DAB2: variants seen among roughly 807,000 people sequenced by gnomAD.
DAB2 encodes disabled homolog 2.
DAB2 carries 28 observed loss-of-function variants against 71.6 expected under a neutral mutation model. The ratio of observed to expected loss-of-function variants is 0.39; its 90% confidence interval spans 0.29 to 0.54. The LOEUF (loss-of-function observed/expected upper bound fraction) is 0.54, where lower values mean the gene tolerates loss of function less well. Among genes scored for constraint, DAB2 ranks in the 20% least tolerant of loss-of-function variants. The probability of loss-of-function intolerance (pLI) is 0.68; values close to 1 mark genes in which losing one functional copy is unlikely to be tolerated. For missense variants in DAB2, 867 were observed against 928.8 expected (o/e 0.93, Z 0.86); for synonymous variants, 345 against 339.7 (o/e 1.02, Z -0.17).
chr5:39,389,509 A>C (rs1755174175), intron 6 of DAB2, among the ~76,000 whole-genome samples: 1 of 152,108 alleles, frequency 6.6e-6, no homozygotes, highest in Non-Finnish European at 1.5e-5. Flanking sequence ...TCCTGAGTAC[A>C]GTTTTAAGTT....
Position 39,401,872 on chromosome 5 carries a change from C to A in DAB2, c.-101-7451G>T, listed in dbSNP as rs1187429364. Among the ~76,000 whole-genome samples, 4 of 151,970 alleles carry A rather than the reference C, an allele frequency of 2.6e-5. 1 individual carries two copies. The highest frequency in any genetic ancestry group is 6.6e-5 in the Admixed American group (1 of 15,252). On this transcript the variant is annotated intron_variant, in intron 1 of 14. Coordinates refer to ENST00000320816, the MANE Select transcript of DAB2 (RefSeq NM_001343.4). ...GGTTCACGCCATTCCCCTGCCTCAGCCTCCCAAGTAGCTGGGACTACAGGC... is the reference window on the plus strand; with the variant it reads ...GGTTCACGCCATTCCCCTGCCTCAGACTCCCAAGTAGCTGGGACTACAGGC...
chr5:39,401,415 C>T (rs1755496314), intron 1 of DAB2, among the ~76,000 whole-genome samples: 2 of 152,126 alleles, frequency 1.3e-5, no homozygotes, highest in African/African-American at 4.8e-5. Context: ...GTTTTTGGAA[C>T]CAAGTCAGAC....
At chr5:39,388,227 C>A in intron 9 of DAB2, 78 bp downstream of exon 9, 1 of 1,041,874 alleles carries the variant, frequency 9.6e-7, no homozygotes. Flanking sequence ...CAATGAGATG[C>A]TTAAGATTTC....
chr5:39,389,101 A>C lies in DAB2; in HGVS notation c.566T>G (p.Val189Gly). ...GAAGTAAAGATGCAATTTTACCTCA[A>C]CTGCTTTGCTGGCTTCCTCTATCTA... ...KKKIEEASKAVENGSEALMIL... is the reference protein window; with the variant it reads ...KKKIEEASKAGENGSEALMIL... The change falls in exon 7 of 15, where the codon GTT becomes GGT. Residue 189 changes from valine to glycine, a missense_variant. Physicochemically the swap from Val to Gly is moderately radical, Grantham distance 109. Coordinates refer to ENST00000320816, the MANE Select transcript of DAB2 (RefSeq NM_001343.4). The C allele has an allele frequency of 6.2e-7, 1 of 1,613,246 alleles. No individual in the cohort carries two copies.
chr5:39,409,422 A>G (rs1755672897), intron 1 of DAB2, among the ~76,000 whole-genome samples: 1 of 152,220 alleles, frequency 6.6e-6, no homozygotes, highest in South Asian at 2.1e-4. Flanking sequence ...ATGTATTGAA[A>G]TATCTGTATA....
chr5:39,383,197 T>C lies in DAB2; in HGVS notation c.762A>G (p.Pro254=). The stretch of plus-strand genomic sequence containing the variant: ...AGGAGGTGATGCCGTTTGTTAAGAA[T>C]GGATTTTCTCTTAAAGAATTCTGAT... ...DTNQNSLREN[P]FLTNGITSCS... Residue 254 remains proline, a synonymous_variant, in exon 10 of 15, where the codon CCA becomes CCG. Coordinates refer to ENST00000320816, the MANE Select transcript of DAB2 (RefSeq NM_001343.4). 1.9e-6 allele frequency: 3 copies of C among 1,614,000 alleles called. No homozygotes were observed. The highest frequency in any genetic ancestry group is 1.3e-5 in the African/African-American group (1 of 75,028).
At chr5:39,377,481 T>C (rs1354743213) in intron 11 of DAB2, among the ~76,000 whole-genome samples, 199 bp from the exon 12 acceptor site, 2 of 152,178 alleles carry the variant, frequency 1.3e-5, no homozygotes, top group Non-Finnish European at 2.9e-5. Flanking sequence ...ATTCAAATGC[T>C]GGTTGCATTT....
intron 1 of DAB2, among the ~76,000 whole-genome samples, chr5:39,416,615 G>A (rs1755851873): frequency 6.6e-6 from 1 of 152,018 alleles, no homozygotes; most frequent in Admixed American, 6.6e-5. Context: ...CCTGTAATAT[G>A]TACTGCCTTC....
chr5:39,375,467 G>A (rs1205406931), intron 13 of DAB2, among the ~76,000 whole-genome samples: 1 of 152,134 alleles, frequency 6.6e-6, no homozygotes, highest in African/African-American at 2.4e-5. Flanking sequence ...TTTTCTATGT[G>A]ATATTATTTC....
intron 1 of DAB2, among the ~76,000 whole-genome samples, chr5:39,410,607 T>C (rs1351373293): frequency 6.6e-6 from 1 of 152,130 alleles, no homozygotes; most frequent in Non-Finnish European, 1.5e-5. Context: ...CTAGGACAAT[T>C]GAGTTTTTCT....
chr5:39,409,310 G>A lies in DAB2; in HGVS notation c.-101-14889C>T, dbSNP rs1755671211. Among the ~76,000 whole-genome samples, 3 of 152,116 alleles carry A rather than the reference G, an allele frequency of 2.0e-5. No individual in the cohort carries two copies. In the South Asian group the frequency reaches 6.2e-4, roughly 32 times the overall value. On this transcript the variant is annotated intron_variant, in intron 1 of 14. Coordinates refer to ENST00000320816, the MANE Select transcript of DAB2 (RefSeq NM_001343.4). ...ATAAATAAATGCACTTTTAAACTGA[G>A]GGATGTAAAAATTCCAAATGACAGT...
At chr5:39,393,132 G>T (rs1755275654) in intron 3 of DAB2, 122 bp downstream of exon 3, 3 of 993,110 alleles carry the variant, frequency 3.0e-6, no homozygotes, top group Admixed American at 2.1e-5. Context: ...CACTACTGAT[G>T]GATAATGTGA....
intron 1 of DAB2, among the ~76,000 whole-genome samples, chr5:39,412,010 A>G (rs541811034): frequency 6.6e-6 from 1 of 152,282 alleles, no homozygotes; most frequent in African/African-American, 2.4e-5. Context: ...ATCAGAGGTG[A>G]GATGTGAATA....
intron 1 of DAB2, among the ~76,000 whole-genome samples, chr5:39,419,724 T>C (rs1001131867): frequency 6.6e-6 from 1 of 152,154 alleles, no homozygotes; most frequent in Non-Finnish European, 1.5e-5. Context: ...TAAATGAAGA[T>C]TAATTATACT....
intron 1 of DAB2, among the ~76,000 whole-genome samples, chr5:39,411,815 A>G (rs908073269): frequency 1.3e-5 from 2 of 152,226 alleles, no homozygotes; most frequent in Non-Finnish European, 2.9e-5. Context: ...TAGTAAAGCA[A>G]AATGTGAAAT....
chr5:39,402,881 C>T (rs544738687), intron 1 of DAB2, among the ~76,000 whole-genome samples: 1 of 152,302 alleles, frequency 6.6e-6, no homozygotes, highest in African/African-American at 2.4e-5. Flanking sequence ...ATGCCTGTTC[C>T]AATGAATCCT....
At chr5:39,418,256 G>A (rs1048638633) in intron 1 of DAB2, 2 of 152,044 alleles carry the variant, frequency 1.3e-5, no homozygotes, top group Non-Finnish European at 2.9e-5. Context: ...TTCACATTTC[G>A]TCCCAAAGCC....
In DAB2 at chr5:39,372,353, A is replaced by C. The variant is rs1051595412; in HGVS notation, c.*1078T>G. The C allele has an allele frequency of 7.9e-5, 12 of 152,192 alleles. No individual in the cohort carries two copies. Among genetic ancestry groups the C allele is most frequent in the African/African-American group, 2.9e-4 (12 of 41,438 alleles). 9.4% of individuals were successfully genotyped at this position (152,192 alleles called of 1,614,324 possible). ...GCAAGAAAAGTTTTCCAGTTACTTG[A>C]TAAAGGCCTAGCATGACCCCAAATA... On this transcript the variant is annotated 3_prime_UTR_variant, in exon 15 of 15. Transcript: ENST00000320816.
At position 39,392,306 on chromosome 5, in the gene DAB2, A is replaced by G. The variant is rs552003714; in HGVS notation, c.330+59T>C. ...GAAGAAGGGGAGCCGAAATTCAAGT[A>G]GCAAATTGTTGGTCAGACTCAGGTG... is the stretch of plus-strand genomic sequence containing the variant. On this transcript the variant is annotated intron_variant, in intron 4 of 14. Coordinates refer to ENST00000320816, the MANE Select transcript of DAB2 (RefSeq NM_001343.4). The G allele has an allele frequency of 5.4e-6, 7 of 1,290,058 alleles. No individual in the cohort carries two copies. The South Asian group carries it at 8.3e-5, about 15-fold the overall frequency. 79.9% of individuals were successfully genotyped at this position (1,290,058 alleles called of 1,614,324 possible).
Sources: allele counts gnomAD v4.1 joint callset (sites outside exome capture counted in the v4.1 genomes callset), GRCh38; gene constraint gnomAD v4.1.1; transcripts MANE v1.5; gene names NCBI Gene and HGNC (gene_info 2026-07-23, HGNC 2026-07-21).